The following DST variants were observed in gnomAD, a reference collection of about 807,000 sequenced individuals.
DST encodes the protein dystonin.
In DST, 253 loss-of-function variants were observed where a neutral mutation model predicts 875.2. That is an observed-to-expected ratio of 0.29 (90% confidence interval 0.26 to 0.32). The LOEUF (loss-of-function observed/expected upper bound fraction) is 0.32, where lower values mean the gene tolerates loss of function less well. Ranked by LOEUF, DST falls within the 10% of genes least tolerant of loss-of-function variation. DST has a pLI of 1.00. For synonymous variants in DST, 3,124 were observed against 3,197.1 expected, an observed-to-expected ratio of 0.98 and a Z score of 0.77; for missense variants, 8,287 against 9,111.6, an observed-to-expected ratio of 0.91 and a Z score of 3.68.
intron 27 of DST, among the ~76,000 whole-genome samples, chr6:56,633,468 C>T (rs1282853520): frequency 3.3e-5 from 5 of 151,572 alleles, no homozygotes; most frequent in African/African-American, 4.9e-5. Flanking sequence ...CCTCGTGATC[C>T]GCCCGCCTCG....
chr6:56,687,704 A>G (rs2099197393), intron 9 of DST, among the ~76,000 whole-genome samples: 1 of 152,146 alleles, frequency 6.6e-6, no homozygotes, highest in African/African-American at 2.4e-5. Context: ...TTTGTTTCCA[A>G]GGACAATTTC....
rs988285259 is a variant in DST, at chr6:56,607,869, G to A, written c.6759C>T (p.Val2253=). 1.2e-6 allele frequency: 2 copies of A among 1,613,530 alleles called. No homozygotes were observed. Among genetic ancestry groups the A allele is most frequent in the Non-Finnish European group, 1.7e-6 (2 of 1,179,706 alleles). Reference sequence around the variant, plus strand: ...TAAGAAATACACCAGATGAGCTTAAGACATCGAGACATTCTTTTATGGCTG... The same window carrying A: ...TAAGAAATACACCAGATGAGCTTAAAACATCGAGACATTCTTTTATGGCTG... ...GNTAIKECLD[V]LSSSGVFLNN... The change falls in exon 40 of 104, where the codon GTC becomes GTT. Residue 2253 remains valine (V), a synonymous_variant. Transcript: ENST00000680361.
intron 3 of DST, chr6:56,863,726 T>C (rs1295347669): frequency 1.3e-5 from 2 of 152,222 alleles, no homozygotes; most frequent in Non-Finnish European, 2.9e-5. Flanking sequence ...AAAATGTGTA[T>C]CTGTGTCCAT....
chr6:56,619,777 G>A (rs1305115012), intron 36 of DST: 2 of 1,614,074 alleles, frequency 1.2e-6, no homozygotes, highest in Admixed American at 3.3e-5. Context: ...CCAACTTAAG[G>A]CATCTGAGTG....
chr6:56,937,029 C>G (rs1451706), intron 2 of DST, among the ~76,000 whole-genome samples: 31,367 of 150,882 alleles, frequency 0.21, 3,609 homozygotes, highest in Middle Eastern at 0.26. Context: ...TCAAAAAACA[C>G]AGAAAAACTA....
chr6:56,778,468 G>A (rs1163604817), intron 4 of DST, among the ~76,000 whole-genome samples: 1 of 148,078 alleles, frequency 6.8e-6, no homozygotes, highest in East Asian at 2.0e-4. Context: ...ATGCCATGTT[G>A]GTATGCTGCA....
At chr6:56,670,133 C>CGTGT (rs70989723) in intron 10 of DST, among the ~76,000 whole-genome samples, 16,511 of 146,162 alleles carry the variant, frequency 0.11, 1,012 homozygotes, top group Admixed American at 0.17. Flanking sequence ...AGCGCCCGTG[C>CGTGT]GTGTGTGTGT....
chr6:56,460,311 C>T, intron 102 of DST, 57 bp from the exon 103 acceptor site: 7 of 1,587,874 alleles, frequency 4.4e-6, no homozygotes, highest in Non-Finnish European at 6.0e-6. Flanking sequence ...CATGATATTC[C>T]ACTGACACCA....
intron 4 of DST, among the ~76,000 whole-genome samples, chr6:56,759,851 A>AGCACT (rs1394504293): frequency 1.4e-4 from 22 of 152,346 alleles, no homozygotes; most frequent in African/African-American, 4.8e-4. Context: ...CAAGGCAAAG[A>AGCACT]GCACTCCTTC....
intron 56 of DST, 35 bp downstream of exon 56, chr6:56,562,101 TTA>T (rs1211223146): frequency 9.1e-6 from 12 of 1,322,198 alleles, no homozygotes; most frequent in Non-Finnish European, 1.1e-5. Flanking sequence ...AAACATCAAA[TTA>T]CATTAATCAG....
chr6:56,641,833 A>G, intron 17 of DST, 114 bp downstream of exon 17: 1 of 859,162 alleles, frequency 1.2e-6, no homozygotes, highest in South Asian at 2.3e-5. Context: ...TTTCAACTAA[A>G]AAACAGCAAA....
chr6:56,741,532 T>TC (rs2152937992), intron 4 of DST, among the ~76,000 whole-genome samples: 1 of 152,332 alleles, frequency 6.6e-6, no homozygotes, highest in East Asian at 1.9e-4. Context: ...TCTAAAGGCT[T>TC]CAACTTTCTT....
intron 50 of DST, 127 bp downstream of exon 50, chr6:56,578,687 C>T (rs979940006): frequency 1.3e-5 from 13 of 963,180 alleles, no homozygotes; most frequent in Non-Finnish European, 1.6e-5. Flanking sequence ...TGCAGGAACA[C>T]CATTTCACAG....
intron 3 of DST, chr6:56,851,988 T>C: frequency 1.4e-6 from 2 of 1,448,914 alleles, no homozygotes; most frequent in Admixed American, 2.8e-5. Context: ...AGTAGAAATA[T>C]TTTCCATTAC....
chr6:56,757,216 C>T (rs1470322311), intron 4 of DST, among the ~76,000 whole-genome samples: 1 of 152,064 alleles, frequency 6.6e-6, no homozygotes, highest in Non-Finnish European at 1.5e-5. Flanking sequence ...TCAGGAAAGG[C>T]TTTGAGAGTT....
At chr6:56,720,342 T>C (rs573238875) in intron 5 of DST, among the ~76,000 whole-genome samples, 1 of 148,124 alleles carries the variant, frequency 6.8e-6, no homozygotes, top group Admixed American at 6.7e-5. Context: ...ATTGCTGTTA[T>C]CCTGTTCTTT....
chr6:56,555,916 G>A, intron 59 of DST, 76 bp from the exon 60 acceptor site: 1 of 1,326,072 alleles, frequency 7.5e-7, no homozygotes, highest in Non-Finnish European at 9.9e-7. Flanking sequence ...TGTCCAAACA[G>A]ACAGAAATGG....
chr6:56,535,261 G>C lies in DST; in HGVS notation c.16802C>G (p.Ala5601Gly). 1 of 1,599,948 alleles carries C rather than the reference G, an allele frequency of 6.3e-7. No individual in the cohort carries two copies. The highest frequency in any genetic ancestry group is 1.3e-5 in the African/African-American group (1 of 74,236). ...CTGGAACCTCCCACAGTGCAGCAAG[G>C]CCTCCTGCAGCTGGGCTGCTCGCTG... ...VAQRAAQLQE[A>G]LLHCGRFQDA... The change falls in exon 63 of 104, where the codon GCC becomes GGC. Residue 5601 changes from alanine (A) to glycine (G), a missense_variant. This residue lies in a region of DST where 777 missense variants were observed against 764.8 expected (regional missense o/e 1.02). Coordinates refer to ENST00000680361, the MANE Select transcript of DST (RefSeq NM_001374736.1).
At chr6:56,915,994 G>T (rs1343164118) in intron 2 of DST, among the ~76,000 whole-genome samples, 1 of 152,196 alleles carries the variant, frequency 6.6e-6, no homozygotes, top group Non-Finnish European at 1.5e-5. Flanking sequence ...ACTGAGGCAG[G>T]CTAAGCCATA....
Sources: allele counts gnomAD v4.1 joint callset (sites outside exome capture counted in the v4.1 genomes callset), GRCh38; gene constraint gnomAD v4.1.1; regional missense constraint gnomAD v4.1.1; transcripts MANE v1.5; gene names NCBI Gene and HGNC (gene_info 2026-07-23, HGNC 2026-07-21).